Variants in SH3TC2 observed in about 807,000 individuals in gnomAD.
SH3TC2 encodes the protein SH3 domain and tetratricopeptide repeat-containing protein 2.
SH3TC2 carries 87 observed loss-of-function variants against 124.5 expected under a neutral mutation model. That is an observed-to-expected ratio of 0.70 (90% CI 0.59 to 0.84). The LOEUF (loss-of-function observed/expected upper bound fraction) is 0.84. Among genes scored for constraint, SH3TC2 ranks in the 40% least tolerant of loss-of-function variants. The pLI is 0.00. For missense variants in SH3TC2, 1,536 were observed against 1,566.4 expected (o/e 0.98, Z 0.33); for synonymous variants, 634 against 628.5 (o/e 1.01, Z -0.13).
At chr5:149,013,766 T>G (rs1753823501) in intron 12 of SH3TC2, among the ~76,000 whole-genome samples, 1 of 152,156 alleles carries the variant, frequency 6.6e-6, no homozygotes, top group Non-Finnish European at 1.5e-5. Flanking sequence ...GATTCAGTAT[T>G]CAAAAACAAG....
intron 15 of SH3TC2, chr5:149,007,412 T>G: frequency 1.8e-6 from 1 of 559,370 alleles, no homozygotes; most frequent in Non-Finnish European, 3.2e-6. Context: ...TTGCAGATGC[T>G]ACTGTAATGC....
intron 14 of SH3TC2, 48 bp downstream of exon 14, chr5:149,010,222 A>C (rs1302600519): frequency 6.2e-7 from 1 of 1,613,742 alleles, no homozygotes; most frequent in East Asian, 2.2e-5. Context: ...GACCCTTCCC[A>C]TGCCCGTGCC....
chr5:148,991,113 T>A lies in SH3TC2; in HGVS notation c.*13598A>T, dbSNP rs141011337. On this transcript the variant is annotated 3_prime_UTR_variant, in exon 17 of 17. Coordinates refer to ENST00000515425, the MANE Select transcript of SH3TC2 (RefSeq NM_024577.4). ...CTCAGAAGCCCCAAAACGTTTAATA[T>A]GACCCTTTAAAACACCAGGAACATT... Among the ~76,000 whole-genome samples, 1 of 152,194 alleles carries A rather than the reference T, an allele frequency of 6.6e-6. No individual in the cohort carries two copies.
intron 16 of SH3TC2, among the ~76,000 whole-genome samples, chr5:149,006,546 T>C (rs1753691718): frequency 6.6e-6 from 1 of 152,202 alleles, no homozygotes; most frequent in Non-Finnish European, 1.5e-5. Flanking sequence ...TGGGGTCTTG[T>C]ATATTTCCAT....
rs948061774 is a variant in SH3TC2, at chr5:149,004,927, G to A, written c.3676-25C>T. On this transcript the variant is annotated intron_variant, in intron 16 of 16. Coordinates refer to ENST00000515425, the MANE Select transcript of SH3TC2 (RefSeq NM_024577.4). ...CCTAACCCCGTGGTATGGGGGCAAAGAAGAGACAGCATTAGCAAACACTTC... is the reference window on the plus strand; with the variant it reads ...CCTAACCCCGTGGTATGGGGGCAAAAAAGAGACAGCATTAGCAAACACTTC... The A allele has an allele frequency of 2.5e-6, 4 of 1,613,744 alleles. No individual in the cohort carries two copies. The Admixed American group carries it at 6.7e-5, about 27-fold the overall frequency.
chr5:149,048,011 A>AAAAAAATTAATG, intron 2 of SH3TC2, 22 bp from the exon 3 acceptor site: 1 of 1,613,688 alleles, frequency 6.2e-7, no homozygotes, highest in African/African-American at 1.3e-5. Context: ...CAGAGAGAGA[A>AAAAAAATTAATG]GGATCAGGCT....
intron 1 of SH3TC2, 44 bp from the exon 2 acceptor site, chr5:149,052,284 G>C (rs1229030931): frequency 6.8e-7 from 1 of 1,467,102 alleles, no homozygotes; most frequent in Non-Finnish European, 9.5e-7. Context: ...GTGTAAGGAA[G>C]TTGAAAGCAA....
rs1228939410 is a variant in SH3TC2, at chr5:149,059,698, T to A, written c.52+3273A>T. Among the ~76,000 whole-genome samples, 7 of 151,352 alleles carry A rather than the reference T, an allele frequency of 4.6e-5. No individual in the cohort carries two copies. In the East Asian group the frequency reaches 1.4e-3, roughly 29 times the overall value. ...ATATCATTTTGTTTAAGTTTTAAAG[T>A]CTGCAAAACAATTCTTTGGAATGAT... On this transcript the variant is annotated intron_variant, in intron 1 of 16. Coordinates refer to ENST00000515425, the MANE Select transcript of SH3TC2 (RefSeq NM_024577.4).
At chr5:149,039,491 C>A (rs1003652531) in intron 7 of SH3TC2, among the ~76,000 whole-genome samples, 4 of 152,124 alleles carry the variant, frequency 2.6e-5, no homozygotes, top group African/African-American at 9.7e-5. Context: ...AAGCTACTAG[C>A]CTATTTTTTC....
At chr5:149,052,873 T>C (rs892839636) in intron 1 of SH3TC2, among the ~76,000 whole-genome samples, 4 of 152,178 alleles carry the variant, frequency 2.6e-5, no homozygotes, top group African/African-American at 7.2e-5. Context: ...AGAAAGAAGA[T>C]GGTGCACCTA....
chr5:149,052,117 G>C, intron 2 of SH3TC2, 25 bp downstream of exon 2: 3 of 1,483,108 alleles, frequency 2.0e-6, no homozygotes, highest in Non-Finnish European at 2.8e-6. Context: ...TGGAAGAATA[G>C]GGCTTGTCTT....
chr5:149,014,679 T>C (rs1034334200), intron 12 of SH3TC2, among the ~76,000 whole-genome samples: 3 of 152,204 alleles, frequency 2.0e-5, no homozygotes, highest in African/African-American at 7.2e-5. Flanking sequence ...AATGTGAAAC[T>C]TCCTCTGAGA....
At chr5:149,005,710 A>T (rs1327207270) in intron 16 of SH3TC2, among the ~76,000 whole-genome samples, 1 of 152,206 alleles carries the variant, frequency 6.6e-6, no homozygotes, top group Non-Finnish European at 1.5e-5. Context: ...GGTTTCCATT[A>T]ACCCTCATAA....
chr5:149,042,147 A>G (rs1247352912), intron 5 of SH3TC2, among the ~76,000 whole-genome samples: 1 of 152,156 alleles, frequency 6.6e-6, no homozygotes, highest in Non-Finnish European at 1.5e-5. Flanking sequence ...CTGTGATGTC[A>G]TCAGGCTTAT....
At chr5:149,032,638 T>G (rs1385188531) in intron 8 of SH3TC2, among the ~76,000 whole-genome samples, 1 of 152,232 alleles carries the variant, frequency 6.6e-6, no homozygotes, top group Non-Finnish European at 1.5e-5. Context: ...CACGTACTAC[T>G]CTTATCCTTT....
At chr5:149,053,504 G>A (rs767272530) in intron 1 of SH3TC2, among the ~76,000 whole-genome samples, 17 of 152,210 alleles carry the variant, frequency 1.1e-4, no homozygotes, top group Non-Finnish European at 2.2e-4. Flanking sequence ...AGTGCTGAAA[G>A]CTAAGCAGCT....
intron 1 of SH3TC2, among the ~76,000 whole-genome samples, chr5:149,062,001 C>G (rs1373860387): frequency 6.6e-6 from 1 of 152,024 alleles, no homozygotes; most frequent in East Asian, 1.9e-4. Context: ...ACTTTAATGA[C>G]CTCAAGTGCC....
chr5:149,006,409 A>AAAATG (rs1331299812), intron 16 of SH3TC2, among the ~76,000 whole-genome samples: 1 of 152,252 alleles, frequency 6.6e-6, no homozygotes, highest in Non-Finnish European at 1.5e-5. Flanking sequence ...CATTTCTCAT[A>AAAATG]AAATGTAGCT....
chr5:149,048,143 A>G, intron 2 of SH3TC2, 154 bp from the exon 3 acceptor site: 1 of 1,031,784 alleles, frequency 9.7e-7, no homozygotes, highest in Non-Finnish European at 1.5e-6. Flanking sequence ...CACTTCTCGG[A>G]GCACTCCTTT....
Sources: gnomAD v4.1 joint callset for allele counts (sites outside exome capture counted in the v4.1 genomes callset) on GRCh38, gnomAD v4.1.1 for gene constraint, MANE v1.5 for transcripts, NCBI Gene and HGNC (gene_info 2026-07-23, HGNC 2026-07-21) for gene names.